RAB11FIP4: variants seen among roughly 807,000 people sequenced by gnomAD.
RAB11FIP4 encodes the protein rab11 family-interacting protein 4.
A neutral mutation model predicts 74.3 loss-of-function variants in RAB11FIP4; 23 were observed. That is an observed-to-expected ratio of 0.31 (90% CI 0.22 to 0.44). RAB11FIP4 has a LOEUF of 0.44. Ranked by LOEUF, RAB11FIP4 falls within the 20% of genes least tolerant of loss-of-function variation. The probability of loss-of-function intolerance (pLI) is 1.00; values close to 1 mark genes in which losing one functional copy is unlikely to be tolerated. For missense variants in RAB11FIP4, 630 were observed against 863.9 expected (o/e 0.73, Z 3.39); for synonymous variants, 360 against 359.9 (o/e 1.00, Z 0.00).
At chr17:31,422,431 C>T (rs960325818) in intron 1 of RAB11FIP4, among the ~76,000 whole-genome samples, 1 of 152,216 alleles carries the variant, frequency 6.6e-6, no homozygotes, top group Non-Finnish European at 1.5e-5. Flanking sequence ...GTTATATTCT[C>T]TAGAGGAGTG....
At chr17:31,397,889 T>C (rs1389002964) in intron 1 of RAB11FIP4, among the ~76,000 whole-genome samples, 2 of 151,498 alleles carry the variant, frequency 1.3e-5, no homozygotes, top group Non-Finnish European at 2.9e-5. Flanking sequence ...TTTTTTTTTT[T>C]AATTGAAACA....
chr17:31,483,541 C>T (rs1198536514), intron 3 of RAB11FIP4, among the ~76,000 whole-genome samples: 1 of 152,236 alleles, frequency 6.6e-6, no homozygotes, highest in Non-Finnish European at 1.5e-5. Context: ...ACAGCATGTA[C>T]AGCAGACAGA....
At chr17:31,410,503 T>C (rs962618939) in intron 1 of RAB11FIP4, among the ~76,000 whole-genome samples, 1 of 151,816 alleles carries the variant, frequency 6.6e-6, no homozygotes, top group African/African-American at 2.4e-5. Flanking sequence ...CACTTGAGGC[T>C]AGGAGTTGGA....
At chr17:31,410,420 T>C (rs903189571) in intron 1 of RAB11FIP4, among the ~76,000 whole-genome samples, 2 of 152,082 alleles carry the variant, frequency 1.3e-5, no homozygotes, top group African/African-American at 2.4e-5. Flanking sequence ...TAGTAGAAAA[T>C]AGTGCAAGTT....
intron 14 of RAB11FIP4, chr17:31,531,066 C>CT (rs1363026898): frequency 6.3e-6 from 1 of 158,680 alleles, no homozygotes; most frequent in Non-Finnish European, 1.4e-5. Flanking sequence ...ACAAGACACT[C>CT]TGTCACTGAG....
At chr17:31,492,242 A>C (rs527661426) in intron 3 of RAB11FIP4, among the ~76,000 whole-genome samples, 1 of 152,022 alleles carries the variant, frequency 6.6e-6, no homozygotes, top group African/African-American at 2.4e-5. Context: ...GCACAGTTCT[A>C]TGGGGTCCTA....
intron 3 of RAB11FIP4, among the ~76,000 whole-genome samples, chr17:31,440,530 A>G (rs2071398039): frequency 6.6e-6 from 1 of 152,222 alleles, no homozygotes; most frequent in Non-Finnish European, 1.5e-5. Flanking sequence ...GCACTTTGGG[A>G]GGCCAAGGCA....
At chr17:31,511,754 TG>T (rs370431725) in intron 3 of RAB11FIP4, among the ~76,000 whole-genome samples, 77 of 152,278 alleles carry the variant, frequency 5.1e-4, no homozygotes, top group African/African-American at 1.8e-3. Flanking sequence ...AGTGTGGCAT[TG>T]TTGGCCACTC....
chr17:31,470,975 C>A (rs142120674), intron 3 of RAB11FIP4, among the ~76,000 whole-genome samples: 99 of 152,084 alleles, frequency 6.5e-4, no homozygotes, highest in Middle Eastern at 6.8e-3. Context: ...TTTTTAAATA[C>A]AGAAACTTTT....
chr17:31,444,371 G>GA (rs893190124), intron 3 of RAB11FIP4, among the ~76,000 whole-genome samples: 40 of 149,152 alleles, frequency 2.7e-4, no homozygotes, highest in African/African-American at 8.0e-4. Flanking sequence ...CTTCTAAAGA[G>GA]AAAAAAAAAT....
At chr17:31,520,324 A>C (rs1273580733) in intron 4 of RAB11FIP4, among the ~76,000 whole-genome samples, 1 of 152,124 alleles carries the variant, frequency 6.6e-6, no homozygotes, top group Non-Finnish European at 1.5e-5. Flanking sequence ...TTGGATGCCA[A>C]GGGATGACCA....
Position 31,431,848 on chromosome 17 carries a change from C to T in RAB11FIP4, c.195C>T (p.Asp65=), listed in dbSNP as rs754982966. The change falls in exon 2 of 15, where the codon GAC becomes GAT. Residue 65 remains aspartate, a synonymous_variant. Coordinates refer to ENST00000621161, the MANE Select transcript of RAB11FIP4 (RefSeq NM_032932.6). ...EKLVKYLDPN[D]LGRINFKDFC... ...TTGTGAAATATTTGGATCCCAACGA[C>T]CTGGGGAGAATCAACTTCAAGGACT... 2.5e-6 allele frequency: 4 copies of T among 1,613,124 alleles called. No individual in the cohort carries two copies. The highest frequency in any genetic ancestry group is 2.2e-5 in the South Asian group (2 of 90,886).
In RAB11FIP4 at chr17:31,496,746, T is replaced by G. The variant is rs138843969; in HGVS notation, c.337-20905T>G. Among the ~76,000 whole-genome samples the G allele has an allele frequency of 9.6e-4, 146 of 152,348 alleles. 1 individual carries two copies. Among genetic ancestry groups the G allele is most frequent in the African/African-American group, 3.4e-3 (143 of 41,576 alleles). On this transcript the variant is annotated intron_variant, in intron 3 of 14. Transcript: ENST00000621161. Reference sequence around the variant, plus strand: ...CCAGTGTGCTGTGGTCCCTGCAAGCTTCAGCTCAAGTCCAAGTTCTGGTAC... The same window carrying G: ...CCAGTGTGCTGTGGTCCCTGCAAGCGTCAGCTCAAGTCCAAGTTCTGGTAC...
chr17:31,474,089 T>C (rs1241325891), intron 3 of RAB11FIP4, among the ~76,000 whole-genome samples: 1 of 152,198 alleles, frequency 6.6e-6, no homozygotes, highest in Admixed American at 6.5e-5. Flanking sequence ...TCATTGCAGC[T>C]GCAATGCAAT....
At chr17:31,398,331 C>T (rs2070950535) in intron 1 of RAB11FIP4, among the ~76,000 whole-genome samples, 1 of 152,216 alleles carries the variant, frequency 6.6e-6, no homozygotes, top group South Asian at 2.1e-4. Flanking sequence ...TGAGCCACCA[C>T]AGCTGGCCTG....
At chr17:31,435,641 C>T (rs2071350235) in intron 3 of RAB11FIP4, among the ~76,000 whole-genome samples, 1 of 152,242 alleles carries the variant, frequency 6.6e-6, no homozygotes, top group Non-Finnish European at 1.5e-5. Context: ...TCCAGGACCC[C>T]AGAGGCCACT....
intron 3 of RAB11FIP4, among the ~76,000 whole-genome samples, chr17:31,443,476 G>A (rs571758190): frequency 5.5e-4 from 84 of 152,236 alleles, no homozygotes; most frequent in Admixed American, 1.4e-3. Flanking sequence ...TTTTTAATTC[G>A]TAGAATTGAC....
chr17:31,403,674 A>C (rs1297640162), intron 1 of RAB11FIP4, among the ~76,000 whole-genome samples: 1 of 152,130 alleles, frequency 6.6e-6, no homozygotes, highest in Non-Finnish European at 1.5e-5. Flanking sequence ...AGGAGCCTCC[A>C]TGAGGTGAAG....
intron 1 of RAB11FIP4, among the ~76,000 whole-genome samples, chr17:31,414,693 C>A (rs1274849605): frequency 6.6e-6 from 1 of 152,192 alleles, no homozygotes; most frequent in East Asian, 1.9e-4. Context: ...TGCTGGCCAG[C>A]CCTCTGGATG....
Sources: gnomAD v4.1 joint callset for allele counts (sites outside exome capture counted in the v4.1 genomes callset) on GRCh38, gnomAD v4.1.1 for gene constraint, MANE v1.5 for transcripts, NCBI Gene and HGNC (gene_info 2026-07-23, HGNC 2026-07-21) for gene names.